Variants in HMGA1 observed in about 807,000 individuals in gnomAD.
The protein encoded by HMGA1 is high mobility group AT-hook 1, also known as high mobility group protein HMG-I/HMG-Y.
In HMGA1, 1 loss-of-function variant was observed where a neutral mutation model predicts 15.1. The observed-to-expected ratio is 0.07, with a 90% CI of 0.02 to 0.31. The LOEUF (loss-of-function observed/expected upper bound fraction) is 0.31. HMGA1 is among the 10% of genes least tolerant of loss of function. The probability of loss-of-function intolerance (pLI) is 1.00; values close to 1 mark genes in which losing one functional copy is unlikely to be tolerated. For missense variants in HMGA1, 94 were observed against 141.4 expected (o/e 0.66, Z 1.70); for synonymous variants, 56 against 54.8 (o/e 1.02, Z -0.10).
At chr6:34,243,591 G>T (rs1325474133) in intron 5 of HMGA1, 73 bp downstream of exon 5, 1 of 1,187,666 alleles carries the variant, frequency 8.4e-7, no homozygotes, top group East Asian at 2.4e-5. Context: ...CACAGTACCT[G>T]ATGCTATGCA....
chr6:34,239,461 C>T (rs768527975), intron 2 of HMGA1, among the ~76,000 whole-genome samples: 1 of 152,036 alleles, frequency 6.6e-6, no homozygotes, highest in African/African-American at 2.4e-5. Flanking sequence ...GTGAAGATTT[C>T]TTTCTATTAT....
chr6:34,245,170 TCCCACTTAGCCGCA>T lies in HMGA1; in HGVS notation c.*290_*303del. On this transcript the variant is annotated 3_prime_UTR_variant, in exon 6 of 6. Coordinates refer to ENST00000311487, the MANE Select transcript of HMGA1 (RefSeq NM_145899.3). ...CATGCCCTCCTGGACAAGGCTAACA[TCCCACTTAGCCGCA>T]CCCTGCACCTGCTGCGTCCCCACTC... 1 of 1,437,976 alleles carries T rather than the reference TCCCACTTAGCCGCA, an allele frequency of 7.0e-7. No individual in the cohort carries two copies. The highest frequency in any genetic ancestry group is 9.2e-7 in the Non-Finnish European group (1 of 1,083,808). The allele number at this position is 1,437,976 out of a possible 1,614,324, so 89.1% of individuals were successfully genotyped here.
At chr6:34,239,302 T>C (rs1362060457) in intron 2 of HMGA1, among the ~76,000 whole-genome samples, 1 of 150,144 alleles carries the variant, frequency 6.7e-6, no homozygotes, top group African/African-American at 2.5e-5. Context: ...GACATGGGAG[T>C]CCCACCGTAT....
At chr6:34,244,027 C>T (rs1762514655) in intron 5 of HMGA1, among the ~76,000 whole-genome samples, 3 of 152,058 alleles carry the variant, frequency 2.0e-5, no homozygotes, top group African/African-American at 4.8e-5. Flanking sequence ...GGTGGAAAGG[C>T]TCGGTGGGCT....
At position 34,244,813 on chromosome 6, in the gene HMGA1, C is replaced by T. The variant is rs1250370354; in HGVS notation, c.271-18C>T. ...GGGACCGGGCCAGAGCTCACACCAA[C>T]AACTGCCCACCTCACAGGAGAAGGA... On this transcript the variant is annotated intron_variant, in intron 5 of 5. Transcript: ENST00000311487. 2 of 1,565,794 alleles carry T rather than the reference C, an allele frequency of 1.3e-6. No homozygotes were observed. The highest frequency in any genetic ancestry group is 1.7e-6 in the Non-Finnish European group (2 of 1,155,368).
chr6:34,240,983 T>G (rs574695885), intron 3 of HMGA1, 68 bp downstream of exon 3: 6 of 1,571,708 alleles, frequency 3.8e-6, no homozygotes, highest in Non-Finnish European at 4.4e-6. Flanking sequence ...GGAGTTTCAT[T>G]CAGCAGGCGA....
chr6:34,244,622 G>A (rs1762574705), intron 5 of HMGA1, among the ~76,000 whole-genome samples: 1 of 152,194 alleles, frequency 6.6e-6, no homozygotes, highest in Non-Finnish European at 1.5e-5. Context: ...CTGGGTGAGA[G>A]CAGCATGTGT....
chr6:34,237,550 G>T (rs1761880095), intron 2 of HMGA1, among the ~76,000 whole-genome samples: 1 of 145,268 alleles, frequency 6.9e-6, no homozygotes. Flanking sequence ...CGCCGCGGGC[G>T]CCCTGCGGGG....
rs1581820533 is a variant in HMGA1, at chr6:34,246,026, C to T, written c.*1142C>T. On this transcript the variant is annotated 3_prime_UTR_variant, in exon 6 of 6. Coordinates refer to ENST00000311487, the MANE Select transcript of HMGA1 (RefSeq NM_145899.3). Reference sequence around the variant, plus strand: ...GCATGGCAGGCTGGGTGACCGACTACCCCAGTCCCAGGGAAGGTGGGGCCC... The same window carrying T: ...GCATGGCAGGCTGGGTGACCGACTATCCCAGTCCCAGGGAAGGTGGGGCCC... The T allele has an allele frequency of 4.5e-5, 12 of 263,960 alleles. No homozygotes were observed. The East Asian group carries it at 7.6e-4, about 17-fold the overall frequency. 16.4% of individuals were successfully genotyped at this position (263,960 alleles called of 1,614,324 possible). A position where few individuals can be genotyped will look rare whatever the true frequency, so the allele number is the denominator to read the frequency against.
At chr6:34,244,198 G>T (rs561728250) in intron 5 of HMGA1, among the ~76,000 whole-genome samples, 1 of 152,134 alleles carries the variant, frequency 6.6e-6, no homozygotes, top group Non-Finnish European at 1.5e-5. Flanking sequence ...GGTGCTGCTG[G>T]CCAGGCCCCA....
chr6:34,245,894 A>G lies in HMGA1; in HGVS notation c.*1010A>G, dbSNP rs549245060. ...TTTGTTCAATGTTCCATTCTTCGAC[A>G]TCCGTCATTGCTGCTGCTACCAGCG... On this transcript the variant is annotated 3_prime_UTR_variant, in exon 6 of 6. Coordinates refer to ENST00000311487, the MANE Select transcript of HMGA1 (RefSeq NM_145899.3). 3.2e-6 allele frequency: 1 copy of G among 313,826 alleles called. No homozygotes were observed. The highest frequency in any genetic ancestry group is 5.0e-5 in the Admixed American group (1 of 20,052). The allele number at this position is 313,826 out of a possible 1,614,324, so 19.4% of individuals were successfully genotyped here.
At chr6:34,242,891 G>T in intron 4 of HMGA1, 96 bp downstream of exon 4, 1 of 888,040 alleles carries the variant, frequency 1.1e-6, no homozygotes, top group Non-Finnish European at 1.8e-6. Flanking sequence ...CTGGGAAGGG[G>T]CTCAGTCATC....
Position 34,244,960 on chromosome 6 carries a change from G to A in HMGA1, c.*76G>A, listed in dbSNP as rs557830810. The A allele has an allele frequency of 1.9e-5, 26 of 1,341,856 alleles. No individual in the cohort carries two copies. Among genetic ancestry groups the A allele is most frequent in the African/African-American group, 6.0e-5 (4 of 66,732 alleles). The allele number at this position is 1,341,856 out of a possible 1,614,324, so 83.1% of individuals were successfully genotyped here. ...TGGACAGCTTTGCTCCGCTCCCACC[G>A]CCCCCACCCCTTCCCCAGGCCCACC... On this transcript the variant is annotated 3_prime_UTR_variant, in exon 6 of 6. Coordinates refer to ENST00000311487, the MANE Select transcript of HMGA1 (RefSeq NM_145899.3).
chr6:34,242,609 G>A, intron 3 of HMGA1, 103 bp from the exon 4 acceptor site: 1 of 803,074 alleles, frequency 1.2e-6, no homozygotes, highest in Non-Finnish European at 2.1e-6. Context: ...TGTGGTTCTT[G>A]GTTCTTGCTG....
Position 34,244,979 on chromosome 6 carries a change from G to T in HMGA1, c.*95G>T. On this transcript the variant is annotated 3_prime_UTR_variant, in exon 6 of 6. Coordinates refer to ENST00000311487, the MANE Select transcript of HMGA1 (RefSeq NM_145899.3). ...CCCACCGCCCCCACCCCTTCCCCAG[G>T]CCCACCATCACCACCGCCTCTGGCC... 6.5e-7 allele frequency: 1 copy of T among 1,542,624 alleles called. No homozygotes were observed. Among genetic ancestry groups the T allele is most frequent in the Non-Finnish European group, 8.7e-7 (1 of 1,142,948 alleles).
intron 2 of HMGA1, among the ~76,000 whole-genome samples, chr6:34,238,503 G>C (rs1581791330): frequency 1.3e-5 from 2 of 152,186 alleles, no homozygotes. Flanking sequence ...CGGGGGACGG[G>C]GAAGAAAACA....
rs1470543404 is a variant in HMGA1, at chr6:34,245,430, C to G, written c.*546C>G. 2 of 1,366,602 alleles carry G rather than the reference C, an allele frequency of 1.5e-6. No homozygotes were observed. The highest frequency in any genetic ancestry group is 1.9e-6 in the Non-Finnish European group (2 of 1,034,952). 84.7% of individuals were successfully genotyped at this position (1,366,602 alleles called of 1,614,324 possible). A position where few individuals can be genotyped will look rare whatever the true frequency, so the allele number is the denominator to read the frequency against. On this transcript the variant is annotated 3_prime_UTR_variant, in exon 6 of 6. Coordinates refer to ENST00000311487, the MANE Select transcript of HMGA1 (RefSeq NM_145899.3). ...GTGCTGGCCCCCAGGATTCCCCCAG[C>G]CAAACTGTCTTTGTCACCACGTGGG...
At chr6:34,240,083 C>T (rs920782109) in intron 2 of HMGA1, among the ~76,000 whole-genome samples, 5 of 152,132 alleles carry the variant, frequency 3.3e-5, no homozygotes, top group Admixed American at 6.5e-5. Context: ...CCATCTCCTC[C>T]CTCCCTCAAT....
intron 2 of HMGA1, among the ~76,000 whole-genome samples, chr6:34,240,407 C>T (rs1393110956): frequency 2.6e-5 from 4 of 152,138 alleles, no homozygotes; most frequent in African/African-American, 9.7e-5. Flanking sequence ...CACCTTTGTC[C>T]CAGGGTGGCC....
Sources: gnomAD v4.1 joint callset for allele counts (sites outside exome capture counted in the v4.1 genomes callset) on GRCh38, gnomAD v4.1.1 for gene constraint, MANE v1.5 for transcripts, NCBI Gene and HGNC (gene_info 2026-07-23, HGNC 2026-07-21) for gene names.